ITSN1: variants seen among roughly 807,000 people sequenced by gnomAD.
ITSN1 encodes the protein intersectin 1.
Under a neutral mutation model 239.8 loss-of-function variants are expected in ITSN1, and 58 were observed. That is an observed-to-expected ratio of 0.24 (90% confidence interval 0.20 to 0.30). ITSN1 has a LOEUF of 0.30. ITSN1 is among the 10% of genes least tolerant of loss of function. ITSN1 has a pLI of 1.00. For synonymous variants in ITSN1, 780 were observed against 770.8 expected (o/e 1.01, Z -0.20); for missense variants, 1,558 against 2,103.3 (o/e 0.74, Z 5.07).
At chr21:33,669,643 A>G (rs1342967948) in intron 1 of ITSN1, among the ~76,000 whole-genome samples, 4 of 151,814 alleles carry the variant, frequency 2.6e-5, no homozygotes, top group African/African-American at 7.3e-5. Context: ...GGGTTTCACT[A>G]TATTGGCCAG....
chr21:33,785,149 T>C (rs183666889), intron 16 of ITSN1, among the ~76,000 whole-genome samples: 54 of 152,346 alleles, frequency 3.5e-4, no homozygotes, highest in African/African-American at 1.3e-3. Flanking sequence ...GTTAGTACTG[T>C]AACACTGGAG....
intron 5 of ITSN1, 99 bp downstream of exon 5, chr21:33,735,303 T>C (rs777678034): frequency 1.6e-6 from 2 of 1,256,756 alleles, no homozygotes; most frequent in South Asian, 2.5e-5. Flanking sequence ...TATGAAATTC[T>C]AGGAGGTAAT....
rs985083001 is a variant in ITSN1 at position 33,893,416 on chromosome 21, C to G, written c.*5116C>G. 2.0e-5 allele frequency: 3 copies of G among 152,120 alleles called. No homozygotes were observed. Among genetic ancestry groups the G allele is most frequent in the Non-Finnish European group, 4.4e-5 (3 of 68,064 alleles). 9.4% of individuals were successfully genotyped at this position (152,120 alleles called of 1,614,324 possible). On this transcript the variant is annotated 3_prime_UTR_variant, in exon 40 of 40. Transcript: ENST00000381318. The stretch of plus-strand genomic sequence containing the variant: ...AACAGCCTGGCCAACGTGGCGAAAC[C>G]TTGTCTCTACTAAAAATACAAAAAT...
chr21:33,756,287 C>CAAAAA (rs923721086), intron 8 of ITSN1, among the ~76,000 whole-genome samples: 7 of 56,666 alleles, frequency 1.2e-4, no homozygotes, highest in South Asian at 6.3e-4. Flanking sequence ...GACTCCGTCT[C>CAAAAA]AAAAAAAAAA....
At position 33,787,947 on chromosome 21, in the gene ITSN1, A is replaced by T. The variant is rs577366239; in HGVS notation, c.1824+5814A>T. On this transcript the variant is annotated intron_variant, in intron 16 of 39. Coordinates refer to ENST00000381318, the MANE Select transcript of ITSN1 (RefSeq NM_003024.3). ...CTCTCATTCTGTCAGATTCTGTGCC[A>T]TACCAGTAGGCTGCTTGGTTGAGTT... 1.6e-4 allele frequency among the ~76,000 whole-genome samples: 25 copies of T among 152,350 alleles called. No individual in the cohort carries two copies. The South Asian group carries it at 5.0e-3, about 30-fold the overall frequency.
At chr21:33,872,367 T>A (rs146650335) in intron 33 of ITSN1, among the ~76,000 whole-genome samples, 1 of 152,352 alleles carries the variant, frequency 6.6e-6, no homozygotes, top group African/African-American at 2.4e-5. Flanking sequence ...ACGTGCTCAA[T>A]GAATATTGGG....
At position 33,829,581 on chromosome 21, in the gene ITSN1, T is replaced by C. The variant is rs1318111913; in HGVS notation, c.3230-43T>C. The C allele has an allele frequency of 3.1e-6, 5 of 1,604,110 alleles. No individual in the cohort carries two copies. In the African/African-American group the frequency reaches 5.4e-5, roughly 17 times the overall value. Reference sequence around the variant, plus strand: ...GCATCTTCTTGGCCTTTTCTCCTGCTGACTCTTAACAGTGCACTGCCGTGT... The same window carrying C: ...GCATCTTCTTGGCCTTTTCTCCTGCCGACTCTTAACAGTGCACTGCCGTGT... On this transcript the variant is annotated intron_variant, in intron 26 of 39. Coordinates refer to ENST00000381318, the MANE Select transcript of ITSN1 (RefSeq NM_003024.3).
intron 31 of ITSN1, among the ~76,000 whole-genome samples, chr21:33,859,633 A>T (rs1980082136): frequency 3.3e-5 from 5 of 152,054 alleles, no homozygotes; most frequent in Admixed American, 3.3e-4. Context: ...CCTGATCTTC[A>T]TCCGTGTCAT....
At chr21:33,852,892 C>T (rs1050349266) in intron 29 of ITSN1, among the ~76,000 whole-genome samples, 6 of 152,154 alleles carry the variant, frequency 3.9e-5, no homozygotes, top group African/African-American at 1.4e-4. Flanking sequence ...TCCCTCCACC[C>T]CTAAAGAAAA....
At chr21:33,778,728 G>A (rs375066305) in intron 14 of ITSN1, among the ~76,000 whole-genome samples, 5 of 145,620 alleles carry the variant, frequency 3.4e-5, no homozygotes, top group Admixed American at 1.3e-4. Flanking sequence ...ACAGGCGCCC[G>A]CCACTACGCC....
chr21:33,836,094 G>A (rs1366195317), intron 28 of ITSN1, among the ~76,000 whole-genome samples: 1 of 152,122 alleles, frequency 6.6e-6, no homozygotes, highest in Non-Finnish European at 1.5e-5. Flanking sequence ...AAGATAGGAT[G>A]GGGTTGGGCT....
intron 29 of ITSN1, among the ~76,000 whole-genome samples, chr21:33,855,545 G>A (rs762685744): frequency 4.6e-5 from 7 of 152,254 alleles, no homozygotes; most frequent in Non-Finnish European, 7.3e-5. Context: ...AAAGAGAGGT[G>A]GGTCCAGGCC....
intron 20 of ITSN1, among the ~76,000 whole-genome samples, chr21:33,809,998 G>A (rs2072783314): frequency 6.6e-6 from 1 of 152,130 alleles, no homozygotes; most frequent in Non-Finnish European, 1.5e-5. Context: ...TCACTGTGTT[G>A]GTCAGGCTGG....
intron 29 of ITSN1, among the ~76,000 whole-genome samples, chr21:33,845,441 CTA>C (rs1452205802): frequency 6.6e-6 from 1 of 152,116 alleles, no homozygotes; most frequent in Non-Finnish European, 1.5e-5. Context: ...AGGCAGAGAG[CTA>C]TTCTAAAAAC....
chr21:33,822,105 G>A lies in ITSN1; in HGVS notation c.3017-1382G>A, dbSNP rs111803924. ...TTTGAATGACCTGTGTCTGCCATGG[G>A]GCCCAGTGCTCTCCACCAGCAATTG... On this transcript the variant is annotated intron_variant, in intron 24 of 39. Transcript: ENST00000381318. Among the ~76,000 whole-genome samples the A allele has an allele frequency of 4.3e-3, 652 of 152,312 alleles. 9 individuals carry two copies. Among genetic ancestry groups the A allele is most frequent in the African/African-American group, 0.015 (629 of 41,548 alleles).
chr21:33,828,915 T>C (rs968610844), intron 26 of ITSN1: 7 of 469,152 alleles, frequency 1.5e-5, no homozygotes, highest in African/African-American at 1.0e-4. Context: ...ACTGTTCACA[T>C]TTTTTTCCCT....
In ITSN1 at chr21:33,890,596, T is replaced by C. The variant is rs1986294862; in HGVS notation, c.*2296T>C. On this transcript the variant is annotated 3_prime_UTR_variant, in exon 40 of 40. Coordinates refer to ENST00000381318, the MANE Select transcript of ITSN1 (RefSeq NM_003024.3). ...GTGTAATTTGTAATGTAACCAATTG[T>C]CCGTATGGAGGAGTCGGGCTGGCCC... The C allele has an allele frequency of 6.6e-6, 1 of 152,214 alleles. No individual in the cohort carries two copies. The highest frequency in any genetic ancestry group is 6.5e-5 in the Admixed American group (1 of 15,280). The allele number at this position is 152,214 out of a possible 1,614,324, so 9.4% of individuals were successfully genotyped here.
chr21:33,817,307 T>C, intron 22 of ITSN1: 1 of 1,304,402 alleles, frequency 7.7e-7, no homozygotes, highest in South Asian at 1.2e-5. Flanking sequence ...CCGGACCCCC[T>C]GCAGTGTTCC....
intron 4 of ITSN1, among the ~76,000 whole-genome samples, chr21:33,734,138 A>G (rs931024673): frequency 6.6e-6 from 1 of 152,212 alleles, no homozygotes; most frequent in Non-Finnish European, 1.5e-5. Context: ...TGCTTTTAAT[A>G]TCTGGATTAA....
Sources: allele counts gnomAD v4.1 joint callset (sites outside exome capture counted in the v4.1 genomes callset), GRCh38; gene constraint gnomAD v4.1.1; transcripts MANE v1.5; gene names NCBI Gene and HGNC (gene_info 2026-07-23, HGNC 2026-07-21).